Variants in FGFR3 observed in about 807,000 individuals in gnomAD.
The protein encoded by FGFR3 is fibroblast growth factor receptor 3.
A neutral mutation model predicts 82.9 loss-of-function variants in FGFR3; 25 were observed. That is an observed-to-expected ratio of 0.30 (90% CI 0.22 to 0.42). FGFR3 has a LOEUF of 0.42. Ranked by LOEUF, FGFR3 falls within the 10% of genes least tolerant of loss-of-function variation. FGFR3 has a pLI of 1.00. For synonymous variants in FGFR3, 620 were observed against 516.0 expected (o/e 1.20, Z -2.73); for missense variants, 1,026 against 1,161.0 (o/e 0.88, Z 1.69).
chr4:1,802,043 C>A lies in FGFR3; in HGVS notation c.930+18C>A, dbSNP rs537025612. On this transcript the variant is annotated intron_variant, in intron 7 of 17. Coordinates refer to ENST00000440486, the MANE Select transcript of FGFR3 (RefSeq NM_000142.5). Reference sequence around the variant, plus strand: ...TGCTCAAGGTGGGCCACCGTGTGCACGTGGGTGCCGCCGCTGGGGCTCCTG... The same window carrying A: ...TGCTCAAGGTGGGCCACCGTGTGCAAGTGGGTGCCGCCGCTGGGGCTCCTG... 1 of 1,604,758 alleles carries A rather than the reference C, an allele frequency of 6.2e-7. No individual in the cohort carries two copies. The highest frequency in any genetic ancestry group is 8.5e-7 in the Non-Finnish European group (1 of 1,175,972).
chr4:1,796,381 G>A (rs1720513813), intron 2 of FGFR3, among the ~76,000 whole-genome samples: 1 of 152,176 alleles, frequency 6.6e-6, no homozygotes, highest in East Asian at 1.9e-4. Flanking sequence ...GAGACAGGGA[G>A]GCTGGACTTT....
chr4:1,799,641 C>G, intron 3 of FGFR3, 106 bp from the exon 4 acceptor site: 1 of 1,555,964 alleles, frequency 6.4e-7, no homozygotes. Context: ...GGAGGGCACC[C>G]CCAGGAAGTG....
chr4:1,808,736 A>C lies in FGFR3; in HGVS notation c.*1474A>C, dbSNP rs1369336027. 3 of 231,934 alleles carry C rather than the reference A, an allele frequency of 1.3e-5. No individual in the cohort carries two copies. Among genetic ancestry groups the C allele is most frequent in the Non-Finnish European group, 2.6e-5 (3 of 117,172 alleles). 14.4% of individuals were successfully genotyped at this position (231,934 alleles called of 1,614,324 possible). On this transcript the variant is annotated 3_prime_UTR_variant, in exon 18 of 18. Transcript: ENST00000440486. ...GGGCAGCTGTCCCTTGCTTGCCTGC[A>C]GGGCCATGGCTCAGGGTGGTCTCTT...
At chr4:1,797,395 G>T (rs1197566868) in intron 2 of FGFR3, among the ~76,000 whole-genome samples, 2 of 152,198 alleles carry the variant, frequency 1.3e-5, no homozygotes, top group South Asian at 4.1e-4. Flanking sequence ...GGCAGTGGGG[G>T]GGGCAGTCAG....
Position 1,805,548 on chromosome 4 carries a change from T to A in FGFR3, c.1535-11T>A, listed in dbSNP as rs1405245032. 6.2e-7 allele frequency: 1 copy of A among 1,612,938 alleles called. No homozygotes were observed. The highest frequency in any genetic ancestry group is 1.3e-5 in the African/African-American group (1 of 75,026). On this transcript the variant is annotated splice_polypyrimidine_tract_variant and intron_variant, in intron 11 of 17. Transcript: ENST00000440486. The stretch of plus-strand genomic sequence containing the variant: ...CCGCCGCCTGACACAGGCCCCCCGC[T>A]CCGTGCACAGACGATGCCACTGACA...
At chr4:1,797,932 C>T (rs765751745) in intron 2 of FGFR3, among the ~76,000 whole-genome samples, 6 of 152,122 alleles carry the variant, frequency 3.9e-5, no homozygotes, top group Non-Finnish European at 5.9e-5. Context: ...GCTGGGCCCC[C>T]GAATCTAGGC....
At position 1,805,590 on chromosome 4, in the gene FGFR3, G is replaced by A. The variant is rs1721795079; in HGVS notation, c.1566G>A (p.Leu522=). ...CCACTGACAAGGACCTGTCGGACCT[G>A]GTGTCTGAGATGGAGATGATGAAGA... ...DDATDKDLSD[L]VSEMEMMKMI... Residue 522 remains leucine, a synonymous_variant, in exon 12 of 18, where the codon CTG becomes CTA. Coordinates refer to ENST00000440486, the MANE Select transcript of FGFR3 (RefSeq NM_000142.5). The A allele has an allele frequency of 1.2e-6, 2 of 1,613,168 alleles. No homozygotes were observed.
At chr4:1,803,139 C>G in intron 7 of FGFR3, 2 of 1,410,360 alleles carry the variant, frequency 1.4e-6, no homozygotes, top group Non-Finnish European at 1.9e-6. Flanking sequence ...CTGCACGCCC[C>G]GCACGCCCAG....
Position 1,807,371 on chromosome 4 carries a change from C to A in FGFR3, c.*109C>A. The A allele has an allele frequency of 6.9e-7, 1 of 1,452,262 alleles. No homozygotes were observed. Among genetic ancestry groups the A allele is most frequent in the Non-Finnish European group, 9.3e-7 (1 of 1,072,790 alleles). 90.0% of individuals were successfully genotyped at this position (1,452,262 alleles called of 1,614,324 possible). A position where few individuals can be genotyped will look rare whatever the true frequency, so the allele number is the denominator to read the frequency against. ...CAGTGCAGATGGAGAGACAGCTACA[C>A]AGAGCTTTGGTCTGTGTGTGTGTGT... On this transcript the variant is annotated 3_prime_UTR_variant, in exon 18 of 18. Transcript: ENST00000440486.
At position 1,807,757 on chromosome 4, in the gene FGFR3, C is replaced by T. The variant is rs2108821650; in HGVS notation, c.*495C>T. The stretch of plus-strand genomic sequence containing the variant: ...GTTAGTGGCACCGCCTCCCCACCTC[C>T]AGGCTTTCCCACTTCCCACCCTGCC... On this transcript the variant is annotated 3_prime_UTR_variant, in exon 18 of 18. Coordinates refer to ENST00000440486, the MANE Select transcript of FGFR3 (RefSeq NM_000142.5). 1 of 575,116 alleles carries T rather than the reference C, an allele frequency of 1.7e-6. No homozygotes were observed. Among genetic ancestry groups the T allele is most frequent in the South Asian group, 1.4e-5 (1 of 69,060 alleles). 35.6% of individuals were successfully genotyped at this position (575,116 alleles called of 1,614,324 possible).
chr4:1,800,091 A>G (rs531689210), intron 4 of FGFR3, among the ~76,000 whole-genome samples: 1 of 152,162 alleles, frequency 6.6e-6, no homozygotes, highest in South Asian at 2.1e-4. Context: ...GGAGGAGGCC[A>G]GGGCTGGCCT....
At chr4:1,807,035 C>G (rs961957413) in intron 17 of FGFR3, 81 bp from the exon 18 acceptor site, 2 of 1,551,544 alleles carry the variant, frequency 1.3e-6, no homozygotes, top group Admixed American at 3.9e-5. Flanking sequence ...GGCGGGCCTT[C>G]TGGGGCACAG....
intron 2 of FGFR3, among the ~76,000 whole-genome samples, chr4:1,797,304 C>T (rs570091941): frequency 4.6e-5 from 7 of 152,266 alleles, no homozygotes; most frequent in Admixed American, 2.6e-4. Context: ...ACTCATGCCC[C>T]GTGTCACACT....
At chr4:1,805,015 T>TG in intron 10 of FGFR3, 46 bp downstream of exon 10, 1 of 1,514,272 alleles carries the variant, frequency 6.6e-7, no homozygotes, top group Non-Finnish European at 8.9e-7. Flanking sequence ...GGCTTGGTGG[T>TG]GGGGGTGAAA....
At position 1,808,270 on chromosome 4, in the gene FGFR3, G is replaced by A. The variant is rs781573474; in HGVS notation, c.*1008G>A. 5.2e-5 allele frequency: 12 copies of A among 232,590 alleles called. No individual in the cohort carries two copies. The highest frequency in any genetic ancestry group is 4.2e-4 in the East Asian group (7 of 16,506). 14.4% of individuals were successfully genotyped at this position (232,590 alleles called of 1,614,324 possible). On this transcript the variant is annotated 3_prime_UTR_variant, in exon 18 of 18. Transcript: ENST00000440486. ...CAAGAATGTACGTCCAGCCTGCCCC[G>A]GAGCTGGAGGATCCCCTCCAAGCCT...
rs926305419 is a variant in FGFR3 at position 1,798,430 on chromosome 4, C to T, written c.110-824C>T. 3.9e-5 allele frequency among the ~76,000 whole-genome samples: 6 copies of T among 151,956 alleles called. No homozygotes were observed. The East Asian group carries it at 5.8e-4, about 15-fold the overall frequency. ...AGACCCACTTGGCCGGACCCAGCGC[C>T]GTGTTTGTACTTTGCTCTTCTCGGT... On this transcript the variant is annotated intron_variant, in intron 2 of 17. Coordinates refer to ENST00000440486, the MANE Select transcript of FGFR3 (RefSeq NM_000142.5).
chr4:1,796,398 C>T (rs911786186), intron 2 of FGFR3, among the ~76,000 whole-genome samples: 1 of 152,102 alleles, frequency 6.6e-6, no homozygotes, highest in Admixed American at 6.5e-5. Flanking sequence ...CTTTTGGGGG[C>T]CCCCTCCTCT....
In FGFR3 at chr4:1,804,321, T is replaced by TCTTTG; in HGVS notation, c.1076-7_1076-3dup. The TCTTTG allele has an allele frequency of 6.3e-7, 1 of 1,596,136 alleles. No individual in the cohort carries two copies. The highest frequency in any genetic ancestry group is 8.5e-7 in the Non-Finnish European group (1 of 1,172,644). ...GCCAGGCCAGGCCTCAACGCCCATG[T>TCTTTG]CTTTGCAGCCGAGGAGGAGCTGGTG... On this transcript the variant is annotated splice_polypyrimidine_tract_variant and intron_variant, in intron 8 of 17. Coordinates refer to ENST00000440486, the MANE Select transcript of FGFR3 (RefSeq NM_000142.5).
Position 1,793,971 on chromosome 4 carries a change from G to T in FGFR3, c.37G>T (p.Ala13Ser). 1 of 1,380,128 alleles carries T rather than the reference G, an allele frequency of 7.2e-7. No homozygotes were observed. The allele number at this position is 1,380,128 out of a possible 1,614,324, so 85.5% of individuals were successfully genotyped here. A position where few individuals can be genotyped will look rare whatever the true frequency, so the allele number is the denominator to read the frequency against. The change falls in exon 2 of 18, where the codon GCC becomes TCC. Residue 13 changes from alanine (A) to serine (S), a missense_variant. By Grantham distance (99) the Ala-to-Ser change is moderately conservative. This residue lies in a region of FGFR3 where 226 missense variants were observed against 222.0 expected (regional missense o/e 1.02). Coordinates refer to ENST00000440486, the MANE Select transcript of FGFR3 (RefSeq NM_000142.5). ...TGCCTGCGCCCTCGCGCTCTGCGTG[G>T]CCGTGGCCATCGTGGCCGGCGCCTC... is the stretch of plus-strand genomic sequence containing the variant. ...APACALALCV[A>S]VAIVAGASSE...
Sources: allele counts gnomAD v4.1 joint callset (sites outside exome capture counted in the v4.1 genomes callset), GRCh38; gene constraint gnomAD v4.1.1; regional missense constraint gnomAD v4.1.1; transcripts MANE v1.5; gene names NCBI Gene and HGNC (gene_info 2026-07-23, HGNC 2026-07-21).